GALNT10: variants seen among roughly 807,000 people sequenced by gnomAD.
GALNT10 encodes polypeptide N-acetylgalactosaminyltransferase 10, also known as GalNAc transferase 10.
A neutral mutation model predicts 75.0 loss-of-function variants in GALNT10; 41 were observed. The observed-to-expected ratio is 0.55, with a 90% CI of 0.43 to 0.71. The LOEUF (loss-of-function observed/expected upper bound fraction) is 0.71, where lower values mean the gene tolerates loss of function less well. GALNT10 is among the 30% of genes least tolerant of loss of function. The pLI, the probability that GALNT10 is intolerant of heterozygous loss-of-function variation, is 0.00. For synonymous variants in GALNT10, 302 were observed against 313.0 expected (o/e 0.96, Z 0.37); for missense variants, 727 against 818.5 (o/e 0.89, Z 1.36).
chr5:154,245,017 G>T (rs1753398705), intron 1 of GALNT10, among the ~76,000 whole-genome samples: 1 of 152,192 alleles, frequency 6.6e-6, no homozygotes. Context: ...AGTCCATGGG[G>T]TGCCACTGCA....
chr5:154,338,804 A>C (rs981342514), intron 4 of GALNT10, among the ~76,000 whole-genome samples: 5 of 152,228 alleles, frequency 3.3e-5, no homozygotes, highest in Non-Finnish European at 5.9e-5. Flanking sequence ...GCAAGACCAG[A>C]ATATCAGCTG....
chr5:154,399,157 G>A (rs10040997), intron 7 of GALNT10, among the ~76,000 whole-genome samples: 3,108 of 152,294 alleles, frequency 0.02, 52 homozygotes, highest in Middle Eastern at 0.054. Flanking sequence ...GGTATGAGGG[G>A]AGTCAGGCTG....
At chr5:154,256,536 C>A (rs1753616156) in intron 1 of GALNT10, among the ~76,000 whole-genome samples, 1 of 151,852 alleles carries the variant, frequency 6.6e-6, no homozygotes, top group African/African-American at 2.4e-5. Flanking sequence ...GTCACAGGAG[C>A]CAGCTTTTAA....
Position 154,412,940 on chromosome 5 carries a change from G to C in GALNT10, c.1438G>C (p.Gly480Arg). 1 of 1,613,848 alleles carries C rather than the reference G, an allele frequency of 6.2e-7. No homozygotes were observed. The highest frequency in any genetic ancestry group is 8.5e-7 in the Non-Finnish European group (1 of 1,179,902). ...TGCAGACACAAAGCACGGGGCCTTG[G>C]GCTCCCCACTAAGGCTAGAGGGCTG... The part of the protein sequence containing the change: ...LCADTKHGAL[G>R]SPLRLEGCVR... Residue 480 changes from glycine to arginine, a missense_variant, in exon 10 of 12, where the codon GGC (glycine) becomes CGC (arginine). Gly to Arg is a moderately radical substitution (Grantham distance 125). Coordinates refer to ENST00000297107, the MANE Select transcript of GALNT10 (RefSeq NM_198321.4). This position sits in a 1 kb window ranked among gnomAD's most constrained non-coding sequence, Gnocchi z 4.2.
chr5:154,337,980 A>G, intron 4 of GALNT10: 1 of 1,578,210 alleles, frequency 6.3e-7, no homozygotes, highest in Non-Finnish European at 8.6e-7. Context: ...AAAGGTTACA[A>G]AGGCAAAGCC....
intron 4 of GALNT10, among the ~76,000 whole-genome samples, chr5:154,359,391 T>G (rs1378006404): frequency 2.6e-5 from 4 of 152,086 alleles, no homozygotes. Context: ...AGCCCGATTT[T>G]GATGGTGACC....
At position 154,309,151 on chromosome 5, in the gene GALNT10, A is replaced by G. The variant is rs116792633; in HGVS notation, c.401+11072A>G. Among the ~76,000 whole-genome samples, 1,441 of 152,328 alleles carry G rather than the reference A, an allele frequency of 9.5e-3. 26 individuals are homozygous for G. Among genetic ancestry groups the G allele is most frequent in the African/African-American group, 0.033 (1,353 of 41,578 alleles). On this transcript the variant is annotated intron_variant, in intron 3 of 11. Transcript: ENST00000297107. ...GATAAGATGGCATATGAACAGAGCT[A>G]TGAAGTGGTGAGAGGCCTAGCAGGA...
chr5:154,288,624 C>A (rs1359596004), intron 1 of GALNT10, among the ~76,000 whole-genome samples: 1 of 152,132 alleles, frequency 6.6e-6, no homozygotes, highest in African/African-American at 2.4e-5. Context: ...TCCTTCCTAA[C>A]CCCTTTGCTT....
In GALNT10 at chr5:154,250,127, T is replaced by G. The variant is rs577473546; in HGVS notation, c.160-44689T>G. On this transcript the variant is annotated intron_variant, in intron 1 of 11. Coordinates refer to ENST00000297107, the MANE Select transcript of GALNT10 (RefSeq NM_198321.4). ...TTTAAGAGCTTGACACCAGCTAGAC[T>G]TGTGCGATTAAGTGGTAAACTTAAA... Among the ~76,000 whole-genome samples, 6 of 152,326 alleles carry G rather than the reference T, an allele frequency of 3.9e-5. No individual in the cohort carries two copies. In the South Asian group the frequency reaches 1.0e-3, roughly 26 times the overall value.
chr5:154,364,591 C>CT lies in GALNT10; in HGVS notation c.569-11685dup, dbSNP rs543018174. 2.0e-3 allele frequency among the ~76,000 whole-genome samples: 311 copies of CT among 152,306 alleles called. 1 individual carries two copies. The highest frequency in any genetic ancestry group is 7.1e-3 in the African/African-American group (294 of 41,550). On this transcript the variant is annotated intron_variant, in intron 4 of 11. Coordinates refer to ENST00000297107, the MANE Select transcript of GALNT10 (RefSeq NM_198321.4). ...ATGTTCAGTTTTCTCTTCCTGTGCA[C>CT]TGAGCAGGAAAACTTCCCCCAGGAG...
chr5:154,412,218 A>C lies in GALNT10; in HGVS notation c.1387-671A>C, dbSNP rs1461121043. Among the ~76,000 whole-genome samples, 1 of 152,172 alleles carries C rather than the reference A, an allele frequency of 6.6e-6. No individual in the cohort carries two copies. Among genetic ancestry groups the C allele is most frequent in the African/African-American group, 2.4e-5 (1 of 41,436 alleles). ...ATATCTGTAAGGTTGGAACTACATG[A>C]TGTGACGCTATGCACCTAGCACAAT... On this transcript the variant is annotated intron_variant, in intron 9 of 11. Transcript: ENST00000297107. This position sits in a 1 kb window ranked among gnomAD's most constrained non-coding sequence, Gnocchi z 4.2.
At chr5:154,317,080 C>T (rs1754603842) in intron 3 of GALNT10, among the ~76,000 whole-genome samples, 1 of 152,206 alleles carries the variant, frequency 6.6e-6, no homozygotes, top group Non-Finnish European at 1.5e-5. Context: ...GATAAGGAAA[C>T]TGAGGCTCAT....
chr5:154,383,412 G>A (rs956604660), intron 6 of GALNT10, among the ~76,000 whole-genome samples: 7 of 152,156 alleles, frequency 4.6e-5, no homozygotes, highest in South Asian at 4.1e-4. Context: ...AAATATCTCC[G>A]TCTGTAAAGG....
intron 1 of GALNT10, among the ~76,000 whole-genome samples, chr5:154,225,024 C>A (rs1274092513): frequency 6.6e-6 from 1 of 151,874 alleles, no homozygotes; most frequent in Non-Finnish European, 1.5e-5. Flanking sequence ...TCAAGCAGTC[C>A]ACCCACCTCA....
At position 154,380,494 on chromosome 5, in the gene GALNT10, T is replaced by C. The variant is rs200328783; in HGVS notation, c.801T>C (p.Asp267=). 41 of 1,614,118 alleles carry C rather than the reference T, an allele frequency of 2.5e-5. No individual in the cohort carries two copies. The highest frequency in any genetic ancestry group is 1.6e-4 in the Middle Eastern group (1 of 6,062). Residue 267 remains aspartate (D), a synonymous_variant, in exon 6 of 12, where the codon GAT becomes GAC. Transcript: ENST00000297107. The part of the protein sequence containing the change: ...NRKTIVCPMI[D]VIDHDDFRYE... Reference sequence around the variant, plus strand: ...AGACCATTGTGTGCCCGATGATTGATGTAATTGACCATGACGACTTTCGGT... The same window carrying C: ...AGACCATTGTGTGCCCGATGATTGACGTAATTGACCATGACGACTTTCGGT...
At chr5:154,295,819 C>T (rs1026705725) in intron 2 of GALNT10, among the ~76,000 whole-genome samples, 1 of 152,058 alleles carries the variant, frequency 6.6e-6, no homozygotes, top group Non-Finnish European at 1.5e-5. Context: ...TGTGAGGGTG[C>T]CAAATAAAGC....
chr5:154,255,172 C>G (rs939981725), intron 1 of GALNT10, among the ~76,000 whole-genome samples: 1 of 152,098 alleles, frequency 6.6e-6, no homozygotes, highest in Non-Finnish European at 1.5e-5. Flanking sequence ...CTGTCTCTAA[C>G]CCCGAACAGA....
chr5:154,410,010 A>T (rs1414145951), intron 9 of GALNT10, among the ~76,000 whole-genome samples: 2 of 152,232 alleles, frequency 1.3e-5, no homozygotes, highest in African/African-American at 4.8e-5. Context: ...TCTTTATATT[A>T]TGCAGTGACA....
rs184852273 is a variant in GALNT10, at chr5:154,207,734, A to G, written c.159+16709A>G. 1.3e-4 allele frequency among the ~76,000 whole-genome samples: 20 copies of G among 152,248 alleles called. No individual in the cohort carries two copies. The East Asian group carries it at 3.9e-3, about 30-fold the overall frequency. On this transcript the variant is annotated intron_variant, in intron 1 of 11. Coordinates refer to ENST00000297107, the MANE Select transcript of GALNT10 (RefSeq NM_198321.4). ...CCAGGTAGAGGAGATAGCACAGTCA[A>G]AAGTCCAGAGTTGGGAAAACAGCAT...
Sources: allele counts gnomAD v4.1 joint callset (sites outside exome capture counted in the v4.1 genomes callset), GRCh38; gene constraint gnomAD v4.1.1; non-coding constraint Gnocchi (gnomAD v3.1); transcripts MANE v1.5; gene names NCBI Gene and HGNC (gene_info 2026-07-23, HGNC 2026-07-21).